KDM2B: variants seen among roughly 807,000 people sequenced by gnomAD.
The protein encoded by KDM2B is lysine demethylase 2B, also known as lysine-specific demethylase 2B.
KDM2B carries 26 observed loss-of-function variants against 150.0 expected under a neutral mutation model. The ratio of observed to expected loss-of-function variants is 0.17; its 90% CI spans 0.13 to 0.24. The LOEUF (loss-of-function observed/expected upper bound fraction) is 0.24, where lower values mean the gene tolerates loss of function less well. Ranked by LOEUF, KDM2B falls within the 10% of genes least tolerant of loss-of-function variation. KDM2B has a pLI of 1.00. For missense variants in KDM2B, 1,265 were observed against 1,816.9 expected (o/e 0.70, Z 5.52); for synonymous variants, 734 against 729.5 (o/e 1.01, Z -0.10).
intron 12 of KDM2B, among the ~76,000 whole-genome samples, chr12:121,493,059 CTTTTTTTTTTTTTT>C (rs61628112): frequency 7.4e-5 from 4 of 54,080 alleles, no homozygotes; most frequent in South Asian, 6.2e-4. Flanking sequence ...TCATGCCTGG[CTTTTTTTTTTTTTT>C]TTTTTTTTTT....
chr12:121,570,455 G>C (rs1891014545), intron 4 of KDM2B, among the ~76,000 whole-genome samples: 2 of 152,102 alleles, frequency 1.3e-5, no homozygotes, highest in South Asian at 4.1e-4. Flanking sequence ...CAAAGTGCTG[G>C]AACTAGCAGG....
At chr12:121,426,524 A>G (rs185238662), downstream of KDM2B, among the ~76,000 whole-genome samples, 1 of 147,338 alleles carries the variant, frequency 6.8e-6, no homozygotes, top group African/African-American at 2.6e-5. Context: ...ATAGCTCACT[A>G]CAGTCTTAAC....
chr12:121,490,971 T>C (rs1883279308), intron 12 of KDM2B, among the ~76,000 whole-genome samples: 1 of 152,110 alleles, frequency 6.6e-6, no homozygotes, highest in Admixed American at 6.6e-5. Context: ...ACCCTTGATC[T>C]TTCACCCCAA....
At chr12:121,471,347 TAAAC>T (rs1321212321) in intron 12 of KDM2B, among the ~76,000 whole-genome samples, 1 of 152,062 alleles carries the variant, frequency 6.6e-6, no homozygotes, top group Non-Finnish European at 1.5e-5. Context: ...GATGTGGAAA[TAAAC>T]AAAAACAGAT....
intron 6 of KDM2B, among the ~76,000 whole-genome samples, chr12:121,542,314 C>T (rs1555309878): frequency 6.6e-6 from 1 of 152,192 alleles, no homozygotes; most frequent in Non-Finnish European, 1.5e-5. Flanking sequence ...CCCAGGCCTA[C>T]ATCATTCCCC....
At chr12:121,557,095 G>T (rs1311817422) in intron 4 of KDM2B, among the ~76,000 whole-genome samples, 10 of 152,032 alleles carry the variant, frequency 6.6e-5, no homozygotes, top group Non-Finnish European at 1.2e-4. Context: ...CGTACCTCAA[G>T]GGGTACTGTG....
upstream of KDM2B, chr12:121,581,068 G>T (rs868911923): frequency 2.1e-6 from 2 of 936,368 alleles, no homozygotes; most frequent in Middle Eastern, 3.5e-4. Context: ...GCAGCTGACC[G>T]GAAGACGTTG....
intron 12 of KDM2B, among the ~76,000 whole-genome samples, chr12:121,471,024 C>G (rs1880716958): frequency 6.6e-6 from 1 of 152,218 alleles, no homozygotes; most frequent in Non-Finnish European, 1.5e-5. Flanking sequence ...CTCTATTTCC[C>G]TAAAGCAAAT....
At position 121,518,914 on chromosome 12, in the gene KDM2B, C is replaced by T. The variant is rs1251439546; in HGVS notation, c.1047+2071G>A. Among the ~76,000 whole-genome samples, 1 of 152,218 alleles carries T rather than the reference C, an allele frequency of 6.6e-6. No homozygotes were observed. The highest frequency in any genetic ancestry group is 2.4e-5 in the African/African-American group (1 of 41,468). The stretch of plus-strand genomic sequence containing the variant: ...ATTGACCCAGACTGTGAGGTGACCG[C>T]TTGTATCCAAACAGTGCCTTTCTCC... On this transcript the variant is annotated intron_variant, in intron 9 of 22. Coordinates refer to ENST00000377071, the MANE Select transcript of KDM2B (RefSeq NM_032590.5). The surrounding 1 kb of genome is among the most constrained non-coding windows in gnomAD (Gnocchi z 4.4).
chr12:121,485,607 G>A (rs1282753336), intron 12 of KDM2B, among the ~76,000 whole-genome samples: 5 of 151,812 alleles, frequency 3.3e-5, no homozygotes, highest in Admixed American at 6.6e-5. Flanking sequence ...ACTTTCCGTC[G>A]GGGGGCAGTG....
chr12:121,453,058 A>G lies in KDM2B; in HGVS notation c.1959+62T>C. Reference sequence around the variant, plus strand: ...GGCGGCCAGAGCGAGCAGCGGTCAGACACGCGGGCCGGCACGCAGGGGCCT... The same window carrying G: ...GGCGGCCAGAGCGAGCAGCGGTCAGGCACGCGGGCCGGCACGCAGGGGCCT... On this transcript the variant is annotated intron_variant, in intron 13 of 22. Coordinates refer to ENST00000377071, the MANE Select transcript of KDM2B (RefSeq NM_032590.5). This position sits in a 1 kb window ranked among gnomAD's most constrained non-coding sequence, Gnocchi z 6.4. 1 of 1,388,388 alleles carries G rather than the reference A, an allele frequency of 7.2e-7. No homozygotes were observed. The highest frequency in any genetic ancestry group is 1.4e-5 in the South Asian group (1 of 73,816). 86.0% of individuals were successfully genotyped at this position (1,388,388 alleles called of 1,614,324 possible).
chr12:121,535,241 C>CA, intron 6 of KDM2B, among the ~76,000 whole-genome samples: 1 of 148,412 alleles, frequency 6.7e-6, no homozygotes, highest in Non-Finnish European at 1.5e-5. Context: ...ACACAAAAAA[C>CA]AAAAAAACAA....
chr12:121,464,934 A>AACTGTTGAGGAAAGCATGCAGGGAGGC (rs1316011431), intron 12 of KDM2B, among the ~76,000 whole-genome samples: 1 of 152,168 alleles, frequency 6.6e-6, no homozygotes, highest in African/African-American at 2.4e-5. Context: ...AGGCTGAGAA[A>AACTGTTGAGGAAAGCATGCAGGGAGGC]ACTGTTGAGG....
intron 8 of KDM2B, 26 bp downstream of exon 8, chr12:121,532,779 GC>G: frequency 6.2e-7 from 1 of 1,611,976 alleles, no homozygotes; most frequent in Non-Finnish European, 8.5e-7. Flanking sequence ...GACTCGAGGA[GC>G]CCAGAGAGTG....
At chr12:121,475,740 T>A (rs1211346387) in intron 12 of KDM2B, among the ~76,000 whole-genome samples, 1 of 148,988 alleles carries the variant, frequency 6.7e-6, no homozygotes. Context: ...AAAAAAAATT[T>A]TTTTTAGAAA....
chr12:121,471,275 T>G (rs1880743005), intron 12 of KDM2B, among the ~76,000 whole-genome samples: 1 of 152,170 alleles, frequency 6.6e-6, no homozygotes, highest in African/African-American at 2.4e-5. Context: ...ACTTATATTC[T>G]TAGAAAGAGG....
Position 121,541,697 on chromosome 12 carries a change from T to C in KDM2B, c.684-7107A>G, listed in dbSNP as rs1888628238. Reference sequence around the variant, plus strand: ...ACACAGGGAAGAGAACCCACTCAACTATCAATTATCTGAGGGCCAAACCTA... The same window carrying C: ...ACACAGGGAAGAGAACCCACTCAACCATCAATTATCTGAGGGCCAAACCTA... On this transcript the variant is annotated intron_variant, in intron 6 of 22. Transcript: ENST00000377071. Among the ~76,000 whole-genome samples, 3 of 152,232 alleles carry C rather than the reference T, an allele frequency of 2.0e-5. No individual in the cohort carries two copies. The South Asian group carries it at 6.2e-4, about 32-fold the overall frequency.
At chr12:121,524,304 T>C (rs974191175) in intron 8 of KDM2B, among the ~76,000 whole-genome samples, 1 of 152,166 alleles carries the variant, frequency 6.6e-6, no homozygotes, top group Non-Finnish European at 1.5e-5. Context: ...AGGGCTCTGG[T>C]AGAGGATGGT....
chr12:121,580,254 G>GT, intron 1 of KDM2B: 1 of 1,241,610 alleles, frequency 8.1e-7, no homozygotes, highest in East Asian at 3.1e-5. Context: ...AGCAGTTGTG[G>GT]GGGGGGGGAG....
Sources: allele counts gnomAD v4.1 joint callset (sites outside exome capture counted in the v4.1 genomes callset), GRCh38; gene constraint gnomAD v4.1.1; non-coding constraint Gnocchi (gnomAD v3.1); transcripts MANE v1.5; gene names NCBI Gene and HGNC (gene_info 2026-07-23, HGNC 2026-07-21).